The following GCAT variants were observed in gnomAD, a reference collection of about 807,000 sequenced individuals.
GCAT encodes the protein glycine C-acetyltransferase, also known as 2-amino-3-ketobutyrate coenzyme A ligase, mitochondrial.
GCAT carries 26 observed loss-of-function variants against 39.7 expected under a neutral mutation model. The observed-to-expected ratio is 0.65, with a 90% CI of 0.48 to 0.91. GCAT has a LOEUF of 0.91. Ranked by LOEUF, GCAT falls within the 40% of genes least tolerant of loss-of-function variation. The probability of loss-of-function intolerance (pLI) is 0.00; values close to 1 mark genes in which losing one functional copy is unlikely to be tolerated. For synonymous variants in GCAT, 218 were observed against 237.2 expected, an observed-to-expected ratio of 0.92 and a Z score of 0.74; for missense variants, 550 against 576.2, an observed-to-expected ratio of 0.95 and a Z score of 0.47.
Position 37,815,468 on chromosome 22 carries a change from C to T in GCAT, c.782C>T (p.Ser261Phe). 6.2e-7 allele frequency: 1 copy of T among 1,610,004 alleles called. No homozygotes were observed. The highest frequency in any genetic ancestry group is 1.1e-5 in the South Asian group (1 of 90,570). The change falls in exon 6 of 9, where the codon TCC becomes TTC. Residue 261 changes from serine to phenylalanine, a missense_variant. Physicochemically the swap from Ser to Phe is radical, Grantham distance 155. Around this residue, in one of 3 missense-constraint regions of GCAT, gnomAD observed 378 missense variants for 390.4 expected, o/e 0.97. Coordinates refer to ENST00000248924, the MANE Select transcript of GCAT (RefSeq NM_014291.4). ...ATGGACCAGGTCACCATCATCAACT[C>T]CACCCTGGGGAAGGCCCTGGGTGGA... ...GVMDQVTIIN[S>F]TLGKALGGAS...
chr22:37,815,889 C>T lies in GCAT; in HGVS notation c.986+55C>T, dbSNP rs1400939442. 33 of 1,593,516 alleles carry T rather than the reference C, an allele frequency of 2.1e-5. No homozygotes were observed. The East Asian group carries it at 7.4e-4, about 36-fold the overall frequency. On this transcript the variant is annotated intron_variant, in intron 7 of 8. Coordinates refer to ENST00000248924, the MANE Select transcript of GCAT (RefSeq NM_014291.4). ...GCGGAGAGACGTGGTGAGAGCCAGC[C>T]TCATGTGTCTGCCCAGGCCCACAGA...
chr22:37,809,929 T>G, intron 1 of GCAT, 98 bp from the exon 2 acceptor site: 1 of 1,533,070 alleles, frequency 6.5e-7, no homozygotes, highest in Non-Finnish European at 8.9e-7. Flanking sequence ...GTCTGTTTCC[T>G]TTCTGGACCA....
rs778008097 is a variant in GCAT at position 37,815,537 on chromosome 22, C to G, written c.814+37C>G. On this transcript the variant is annotated intron_variant, in intron 6 of 8. Transcript: ENST00000248924. ...GTTGTGTCCCTGGGGTCCCCTTGTCCTTTTGAAGGGCCCTGGAGGGGCTCA... is the reference window on the plus strand; with the variant it reads ...GTTGTGTCCCTGGGGTCCCCTTGTCGTTTTGAAGGGCCCTGGAGGGGCTCA... The G allele has an allele frequency of 3.8e-6, 6 of 1,559,656 alleles. No individual in the cohort carries two copies. In the African/African-American group the frequency reaches 4.1e-5, roughly 11 times the overall value.
At position 37,816,387 on chromosome 22, in the gene GCAT, CTG is replaced by C. The variant is rs1325721933; in HGVS notation, c.1108+69_1108+70del. 8.2e-6 allele frequency: 13 copies of C among 1,581,412 alleles called. No homozygotes were observed. In the East Asian group the frequency reaches 2.7e-4, roughly 33 times the overall value. On this transcript the variant is annotated intron_variant, in intron 8 of 8. Coordinates refer to ENST00000248924, the MANE Select transcript of GCAT (RefSeq NM_014291.4). ...GAGAAGAGAAAGGGAAACCCCTAGACTGTGACCCAGCCCCGTACCCAGCCACG... is the reference window on the plus strand; with the variant it reads ...GAGAAGAGAAAGGGAAACCCCTAGACTGACCCAGCCCCGTACCCAGCCACG...
At position 37,815,589 on chromosome 22, in the gene GCAT, G is replaced by A. The variant is rs1275031427; in HGVS notation, c.815-74G>A. On this transcript the variant is annotated intron_variant, in intron 6 of 8. Coordinates refer to ENST00000248924, the MANE Select transcript of GCAT (RefSeq NM_014291.4). ...GGAAGTGGGGAGGGCAGCATGGACTGTACTTTCAGGAGGGGGTTGGGTAGG... is the reference window on the plus strand; with the variant it reads ...GGAAGTGGGGAGGGCAGCATGGACTATACTTTCAGGAGGGGGTTGGGTAGG... 29 of 1,482,642 alleles carry A rather than the reference G, an allele frequency of 2.0e-5. No homozygotes were observed. The East Asian group carries it at 5.9e-4, about 30-fold the overall frequency. 91.8% of individuals were successfully genotyped at this position (1,482,642 alleles called of 1,614,324 possible). A position where few individuals can be genotyped will look rare whatever the true frequency, so the allele number is the denominator to read the frequency against.
rs1317573357 is a variant in GCAT at position 37,807,962 on chromosome 22, G to A, written c.-6G>A. The A allele has an allele frequency of 3.9e-6, 6 of 1,520,316 alleles. No individual in the cohort carries two copies. Among genetic ancestry groups the A allele is most frequent in the South Asian group, 2.4e-5 (2 of 82,586 alleles). The allele number at this position is 1,520,316 out of a possible 1,614,324, so 94.2% of individuals were successfully genotyped here. ...CAGGCAGGCGCGCTCGGGCGAGGTA[G>A]GAGCGATGTGGCCTGGGAACGCCTG... On this transcript the variant is annotated 5_prime_UTR_variant, in exon 1 of 9. Transcript: ENST00000248924.
In GCAT at chr22:37,816,725, G is replaced by C; in HGVS notation, c.*7G>C. The C allele has an allele frequency of 6.2e-7, 1 of 1,613,622 alleles. No homozygotes were observed. Among genetic ancestry groups the C allele is most frequent in the Non-Finnish European group, 8.5e-7 (1 of 1,179,856 alleles). ...GCACGGGGCACTGCCCTGAGCTCTG[G>C]GTAAGGACGAGAAGAGCCAAGGTCC... is the stretch of plus-strand genomic sequence containing the variant. On this transcript the variant is annotated 3_prime_UTR_variant, in exon 9 of 9. Transcript: ENST00000248924.
At position 37,816,823 on chromosome 22, in the gene GCAT, C is replaced by T. The variant is rs1922259747; in HGVS notation, c.*105C>T. The T allele has an allele frequency of 2.5e-6, 3 of 1,185,958 alleles. No individual in the cohort carries two copies. The highest frequency in any genetic ancestry group is 2.6e-5 in the South Asian group (2 of 75,780). 73.5% of individuals were successfully genotyped at this position (1,185,958 alleles called of 1,614,324 possible). Reference sequence around the variant, plus strand: ...AGGCTCTGAGCCCTGAACCAAAGTCCCAGAGCTGGGCTGGGACGTGACCTG... The same window carrying T: ...AGGCTCTGAGCCCTGAACCAAAGTCTCAGAGCTGGGCTGGGACGTGACCTG... On this transcript the variant is annotated 3_prime_UTR_variant, in exon 9 of 9. Coordinates refer to ENST00000248924, the MANE Select transcript of GCAT (RefSeq NM_014291.4).
At chr22:37,809,236 C>T (rs184901468) in intron 1 of GCAT, among the ~76,000 whole-genome samples, 2 of 152,306 alleles carry the variant, frequency 1.3e-5, no homozygotes, top group East Asian at 3.9e-4. Flanking sequence ...TTTTGCCTTT[C>T]CCAGGCTGTG....
At chr22:37,810,512 A>ATTTTTTT in intron 2 of GCAT, among the ~76,000 whole-genome samples, 1 of 103,084 alleles carries the variant, frequency 9.7e-6, no homozygotes, top group Non-Finnish European at 1.8e-5. Context: ...CACCCAGCTA[A>ATTTTTTT]TTTTTTTTTT....
At position 37,807,965 on chromosome 22, in the gene GCAT, G is replaced by C; in HGVS notation, c.-3G>C. The C allele has an allele frequency of 6.6e-7, 1 of 1,523,028 alleles. No homozygotes were observed. The highest frequency in any genetic ancestry group is 8.8e-7 in the Non-Finnish European group (1 of 1,139,498). 94.3% of individuals were successfully genotyped at this position (1,523,028 alleles called of 1,614,324 possible). ...GCAGGCGCGCTCGGGCGAGGTAGGA[G>C]CGATGTGGCCTGGGAACGCCTGGCG... On this transcript the variant is annotated 5_prime_UTR_variant, in exon 1 of 9. Coordinates refer to ENST00000248924, the MANE Select transcript of GCAT (RefSeq NM_014291.4).
At position 37,815,769 on chromosome 22, in the gene GCAT, C is replaced by T. The variant is rs1922115398; in HGVS notation, c.921C>T (p.Ser307=). 3.1e-6 allele frequency: 5 copies of T among 1,613,982 alleles called. No individual in the cohort carries two copies. Among genetic ancestry groups the T allele is most frequent in the Non-Finnish European group, 4.2e-6 (5 of 1,179,944 alleles). The change falls in exon 7 of 9, where the codon TCC becomes TCT. Residue 307 remains serine, a synonymous_variant. Transcript: ENST00000248924. ...SLPPAVVGCA[S]KALDLLMGSN... is the part of the protein sequence containing the mutation. The stretch of plus-strand genomic sequence containing the variant: ...CACCTGCTGTCGTTGGCTGCGCCTC[C>T]AAGGCCCTAGATCTGCTGATGGGGA...
At chr22:37,815,929 C>T in intron 7 of GCAT, 95 bp downstream of exon 7, 11 of 1,450,476 alleles carry the variant, frequency 7.6e-6, no homozygotes, top group Non-Finnish European at 1.0e-5. Context: ...TCTGTGCCCA[C>T]CGGGTCTGCT....
chr22:37,816,205 G>A lies in GCAT; in HGVS notation c.992G>A (p.Arg331His), dbSNP rs750055272. Reference sequence around the variant, plus strand: ...GTGACACCTTGTGCCCACAGGTTCCGTAGTAAGATGGAAGCTGCTGGCTTC... The same window carrying A: ...GTGACACCTTGTGCCCACAGGTTCCATAGTAAGATGGAAGCTGCTGGCTTC... ...QSMAAKTQRF[R>H]SKMEAAGFTI... Residue 331 changes from arginine (R) to histidine (H), a missense_variant, in exon 8 of 9, where the codon CGT becomes CAT. This residue lies in a region of GCAT where 378 missense variants were observed against 390.4 expected (regional missense o/e 0.97). Coordinates refer to ENST00000248924, the MANE Select transcript of GCAT (RefSeq NM_014291.4). The A allele has an allele frequency of 1.3e-5, 21 of 1,613,194 alleles. No homozygotes were observed. Among genetic ancestry groups the A allele is most frequent in the East Asian group, 4.5e-5 (2 of 44,880 alleles).
Position 37,816,733 on chromosome 22 carries a change from CGAG to C in GCAT, c.*16_*18del. The stretch of plus-strand genomic sequence containing the variant: ...CACTGCCCTGAGCTCTGGGTAAGGA[CGAG>C]AAGAGCCAAGGTCCGCCTACTGCCA... On this transcript the variant is annotated 3_prime_UTR_variant, in exon 9 of 9. Transcript: ENST00000248924. The C allele has an allele frequency of 6.2e-7, 1 of 1,613,270 alleles. No individual in the cohort carries two copies. Among genetic ancestry groups the C allele is most frequent in the East Asian group, 2.2e-5 (1 of 44,874 alleles).
chr22:37,811,167 A>C (rs1921543533), intron 2 of GCAT, among the ~76,000 whole-genome samples: 1 of 152,134 alleles, frequency 6.6e-6, no homozygotes, highest in Admixed American at 6.6e-5. Flanking sequence ...GATCATTACA[A>C]ATTAAAGACT....
At chr22:37,813,751 C>T in intron 4 of GCAT, 142 bp downstream of exon 4, 1 of 719,786 alleles carries the variant, frequency 1.4e-6, no homozygotes, top group Non-Finnish European at 2.2e-6. Flanking sequence ...AGATCCCTCA[C>T]ACCCAGAGCA....
intron 2 of GCAT, 133 bp downstream of exon 2, chr22:37,810,290 G>A: frequency 2.8e-6 from 2 of 703,688 alleles, no homozygotes; most frequent in East Asian, 4.9e-5. Context: ...CTGTGCAGCA[G>A]AAAGGCTGAG....
intron 6 of GCAT, 30 bp from the exon 7 acceptor site, chr22:37,815,633 C>A: frequency 6.4e-7 from 1 of 1,556,746 alleles, no homozygotes; most frequent in South Asian, 1.1e-5. Flanking sequence ...CCTGACCAAC[C>A]CCTCCCCCCA....
Sources: gnomAD v4.1 joint callset for allele counts (sites outside exome capture counted in the v4.1 genomes callset) on GRCh38, gnomAD v4.1.1 for gene constraint, gnomAD v4.1.1 regional missense constraint, MANE v1.5 for transcripts, NCBI Gene and HGNC (gene_info 2026-07-23, HGNC 2026-07-21) for gene names.